The following PIEZO2 variants were observed in gnomAD, a reference collection of about 807,000 sequenced individuals.
PIEZO2 encodes piezo-type mechanosensitive ion channel component 2.
Under a neutral mutation model 337.3 loss-of-function variants are expected in PIEZO2, and 172 were observed. The observed-to-expected ratio is 0.51, with a 90% CI of 0.45 to 0.58. PIEZO2 has a LOEUF of 0.58. PIEZO2 is among the 20% of genes least tolerant of loss of function. The probability of loss-of-function intolerance (pLI) is 0.00; values close to 1 mark genes in which losing one functional copy is unlikely to be tolerated. For missense variants in PIEZO2, 3,028 were observed against 3,391.3 expected (o/e 0.89, Z 2.66); for synonymous variants, 1,251 against 1,228.5 (o/e 1.02, Z -0.38).
At position 10,800,330 on chromosome 18, in the gene PIEZO2, C is replaced by CAT; in HGVS notation, c.1378+6_1378+7insAT. ...AATGCGACCCTGAGTGCAGGGCTGG[C>CAT]TCCTACCTGAGGATTCATCAGAGGG... On this transcript the variant is annotated splice_region_variant and intron_variant, in intron 11 of 55. Transcript: ENST00000674853. 1 of 1,533,212 alleles carries CAT rather than the reference C, an allele frequency of 6.5e-7. No homozygotes were observed. Among genetic ancestry groups the CAT allele is most frequent in the Non-Finnish European group, 8.7e-7 (1 of 1,145,118 alleles). 95.0% of individuals were successfully genotyped at this position (1,533,212 alleles called of 1,614,324 possible).
Position 11,032,444 on chromosome 18 carries a change from C to T in PIEZO2, c.160+33683G>A, listed in dbSNP as rs964766342. On this transcript the variant is annotated intron_variant, in intron 2 of 55. Coordinates refer to ENST00000674853, the MANE Select transcript of PIEZO2 (RefSeq NM_001378183.1). The surrounding 1 kb of genome is among the most constrained non-coding windows in gnomAD (Gnocchi z 4.9). ...GATTTACTGAATTTCAGCTCTTGCT[C>T]TATTAGAATACGGAGCTATTCTTGG... Among the ~76,000 whole-genome samples, 8 of 152,200 alleles carry T rather than the reference C, an allele frequency of 5.3e-5. No individual in the cohort carries two copies. Among genetic ancestry groups the T allele is most frequent in the African/African-American group, 1.7e-4 (7 of 41,448 alleles).
At position 10,864,493 on chromosome 18, in the gene PIEZO2, A is replaced by AT. The variant is rs1385131984; in HGVS notation, c.492+6759dup. Among the ~76,000 whole-genome samples the AT allele has an allele frequency of 5.3e-5, 8 of 152,344 alleles. No individual in the cohort carries two copies. The South Asian group carries it at 8.3e-4, about 16-fold the overall frequency. On this transcript the variant is annotated intron_variant, in intron 5 of 55. Coordinates refer to ENST00000674853, the MANE Select transcript of PIEZO2 (RefSeq NM_001378183.1). The stretch of plus-strand genomic sequence containing the variant: ...TCTAGTTATTCCCAAGGTAAATGTG[A>AT]TTTTTTTAAAAAAGGACAAAAGTCT...
intron 4 of PIEZO2, among the ~76,000 whole-genome samples, chr18:10,898,055 T>G (rs1277326724): frequency 2.0e-5 from 3 of 152,214 alleles, no homozygotes; most frequent in Non-Finnish European, 2.9e-5. Context: ...GCAACAAATG[T>G]TTATTTTATA....
intron 2 of PIEZO2, among the ~76,000 whole-genome samples, chr18:11,000,382 C>G (rs770126330): frequency 9.2e-5 from 14 of 152,174 alleles, no homozygotes; most frequent in Non-Finnish European, 1.9e-4. Context: ...GTTTATTACC[C>G]TGGCTTTATA....
At chr18:10,758,594 C>T (rs1307934605) in intron 26 of PIEZO2, among the ~76,000 whole-genome samples, 30 of 152,162 alleles carry the variant, frequency 2.0e-4, no homozygotes, top group Admixed American at 1.8e-3. Context: ...TACAAGTGCC[C>T]GCCACCATGC....
rs1414418673 is a variant in PIEZO2 at position 11,083,077 on chromosome 18, G to A, written c.65-16855C>T. The stretch of plus-strand genomic sequence containing the variant: ...TGATTCTGCAGAGTTCACTTAGGCC[G>A]TTGCTTATGGTTCTGGGTGGCCCAT... On this transcript the variant is annotated intron_variant, in intron 1 of 55. Transcript: ENST00000674853. The surrounding 1 kb of genome is among the most constrained non-coding windows in gnomAD (Gnocchi z 4.4). Among the ~76,000 whole-genome samples the A allele has an allele frequency of 2.6e-5, 4 of 152,116 alleles. No individual in the cohort carries two copies. Among genetic ancestry groups the A allele is most frequent in the Non-Finnish European group, 4.4e-5 (3 of 68,016 alleles).
chr18:10,916,229 T>TA (rs763030353), intron 3 of PIEZO2, among the ~76,000 whole-genome samples: 1 of 152,150 alleles, frequency 6.6e-6, no homozygotes. Flanking sequence ...CCAGCTGGCT[T>TA]CGCCTAGTGG....
chr18:10,827,611 C>G (rs2040714920), intron 7 of PIEZO2, among the ~76,000 whole-genome samples: 1 of 152,152 alleles, frequency 6.6e-6, no homozygotes, highest in Non-Finnish European at 1.5e-5. Context: ...CTTACAAAGA[C>G]AGTTTTTGAA....
Position 11,128,943 on chromosome 18 carries a change from A to G in PIEZO2, c.64+19582T>C, listed in dbSNP as rs1031353243. 6.6e-6 allele frequency among the ~76,000 whole-genome samples: 1 copy of G among 152,220 alleles called. No homozygotes were observed. The highest frequency in any genetic ancestry group is 1.5e-5 in the Non-Finnish European group (1 of 68,038). Reference sequence around the variant, plus strand: ...TGAATTTATTGATTTGGGTCCACTAAGTAAGGACTCAGTGTTTAATGTTGC... The same window carrying G: ...TGAATTTATTGATTTGGGTCCACTAGGTAAGGACTCAGTGTTTAATGTTGC... On this transcript the variant is annotated intron_variant, in intron 1 of 55. Coordinates refer to ENST00000674853, the MANE Select transcript of PIEZO2 (RefSeq NM_001378183.1). This position sits in a 1 kb window ranked among gnomAD's most constrained non-coding sequence, Gnocchi z 4.1.
chr18:10,743,381 C>T (rs1159364485), intron 31 of PIEZO2, among the ~76,000 whole-genome samples: 1 of 152,096 alleles, frequency 6.6e-6, no homozygotes, highest in African/African-American at 2.4e-5. Flanking sequence ...AATTCCATGG[C>T]CATCACCTTT....
intron 3 of PIEZO2, among the ~76,000 whole-genome samples, chr18:10,950,248 A>G (rs575415328): frequency 2.6e-5 from 4 of 152,200 alleles, no homozygotes; most frequent in Non-Finnish European, 5.9e-5. Context: ...AGACGGGGGA[A>G]AGTCAATAGA....
chr18:11,138,443 G>C (rs2040550525), intron 1 of PIEZO2, among the ~76,000 whole-genome samples: 1 of 152,126 alleles, frequency 6.6e-6, no homozygotes, highest in Non-Finnish European at 1.5e-5. Flanking sequence ...CTACAGGCGT[G>C]TGCCACCTCA....
intron 8 of PIEZO2, among the ~76,000 whole-genome samples, chr18:10,805,895 T>C (rs574743421): frequency 6.6e-6 from 1 of 152,360 alleles, no homozygotes; most frequent in South Asian, 2.1e-4. Flanking sequence ...CTGTCAGGGA[T>C]GACCGGAGCC....
intron 1 of PIEZO2, among the ~76,000 whole-genome samples, chr18:11,114,734 G>A (rs933358680): frequency 1.3e-5 from 2 of 151,972 alleles, no homozygotes; most frequent in Non-Finnish European, 2.9e-5. Context: ...AGTGCCAACA[G>A]ATAGACTGCA....
rs2037439865 is a variant in PIEZO2 at position 10,746,755 on chromosome 18, G to A, written c.4424+1716C>T. On this transcript the variant is annotated intron_variant, in intron 30 of 55. Coordinates refer to ENST00000674853, the MANE Select transcript of PIEZO2 (RefSeq NM_001378183.1). The surrounding 1 kb of genome is among the most constrained non-coding windows in gnomAD (Gnocchi z 4.2). ...CTTCCACCAAAATAGGATGCAGTGG[G>A]AAGATGGCCATCTATGAGGAAGTGG... 6.6e-6 allele frequency among the ~76,000 whole-genome samples: 1 copy of A among 152,222 alleles called. No individual in the cohort carries two copies. The highest frequency in any genetic ancestry group is 1.5e-5 in the Non-Finnish European group (1 of 68,048).
At chr18:10,887,890 G>A (rs1317897931) in intron 4 of PIEZO2, among the ~76,000 whole-genome samples, 4 of 152,212 alleles carry the variant, frequency 2.6e-5, no homozygotes, top group Admixed American at 2.0e-4. Flanking sequence ...GGAGGCACAA[G>A]TCCCCAGCTC....
rs74177567 is a variant in PIEZO2 at position 10,720,419 on chromosome 18, GTATATATATATATATATATATATATA to G, written c.5030-2186_5030-2161del. ...TGTGTGTGTGTATGTGTATGTGTAT[GTATATATATATATATATATATATATA>G]TATATATATATATATATATATATAT... is the stretch of plus-strand genomic sequence containing the variant. On this transcript the variant is annotated intron_variant, in intron 36 of 55. Transcript: ENST00000674853. Among the ~76,000 whole-genome samples the G allele has an allele frequency of 3.5e-3, 32 of 9,242 alleles. 1 individual carries two copies. The highest frequency in any genetic ancestry group is 0.014 in the South Asian group (3 of 222). The allele number at this position is 9,242 out of a possible 152,430, so 6.1% of individuals were successfully genotyped here.
chr18:10,715,882 C>T, intron 37 of PIEZO2, 66 bp from the exon 38 acceptor site: 3 of 1,316,110 alleles, frequency 2.3e-6, no homozygotes, highest in Admixed American at 4.7e-5. Flanking sequence ...TTTTGTGTAG[C>T]CCAGCGATGT....
At chr18:11,034,167 A>G (rs542478253) in intron 2 of PIEZO2, among the ~76,000 whole-genome samples, 2 of 151,386 alleles carry the variant, frequency 1.3e-5, no homozygotes, top group South Asian at 2.1e-4. Flanking sequence ...CCTCTCTCCA[A>G]AATAGTTCAG....
Sources: allele counts gnomAD v4.1 joint callset (sites outside exome capture counted in the v4.1 genomes callset), GRCh38; gene constraint gnomAD v4.1.1; non-coding constraint Gnocchi (gnomAD v3.1); transcripts MANE v1.5; gene names NCBI Gene and HGNC (gene_info 2026-07-23, HGNC 2026-07-21).